The following TM9SF4 variants were observed in gnomAD, a reference collection of about 807,000 sequenced individuals.
The protein encoded by TM9SF4 is transmembrane 9 superfamily member 4, also known as dinucleotide oxidase disulfide thiol exchanger 3 superfamily member 4.
TM9SF4 carries 26 observed loss-of-function variants against 90.4 expected under a neutral mutation model. The ratio of observed to expected loss-of-function variants is 0.29; its 90% confidence interval spans 0.21 to 0.40. TM9SF4 has a LOEUF of 0.40. Ranked by LOEUF, TM9SF4 falls within the 10% of genes least tolerant of loss-of-function variation. The pLI is 1.00. For synonymous variants in TM9SF4, 293 were observed against 315.4 expected (o/e 0.93, Z 0.75); for missense variants, 549 against 834.8 (o/e 0.66, Z 4.22).
At chr20:32,143,485 G>A (rs1453749323) in intron 6 of TM9SF4, among the ~76,000 whole-genome samples, 1 of 152,152 alleles carries the variant, frequency 6.6e-6, no homozygotes, top group Non-Finnish European at 1.5e-5. Flanking sequence ...AAGGGGCCAG[G>A]GTACAGACAA....
At chr20:32,150,295 G>T (rs1001969223) in intron 10 of TM9SF4, among the ~76,000 whole-genome samples, 2 of 152,150 alleles carry the variant, frequency 1.3e-5, no homozygotes, top group African/African-American at 2.4e-5. Flanking sequence ...AGTTGGTAAG[G>T]TGGATTCAGA....
intron 6 of TM9SF4, 32 bp from the exon 7 acceptor site, chr20:32,145,059 A>G: frequency 3.1e-6 from 5 of 1,609,046 alleles, no homozygotes; most frequent in Non-Finnish European, 4.3e-6. Flanking sequence ...ACTGGCCACC[A>G]CAGGAACAGA....
intron 1 of TM9SF4, chr20:32,110,089 A>C (rs1600763139): frequency 1.0e-5 from 12 of 1,170,638 alleles, no homozygotes; most frequent in Non-Finnish European, 1.1e-5. Context: ...CCCTCTGAAG[A>C]CCCCCTCCCG....
At chr20:32,142,574 TC>T (rs1423662608) in intron 5 of TM9SF4, among the ~76,000 whole-genome samples, 1 of 152,078 alleles carries the variant, frequency 6.6e-6, no homozygotes, top group Non-Finnish European at 1.5e-5. Flanking sequence ...CAGAGGGAGC[TC>T]CTTTTACACT....
At chr20:32,131,058 T>A (rs554745558) in intron 1 of TM9SF4, among the ~76,000 whole-genome samples, 1 of 152,330 alleles carries the variant, frequency 6.6e-6, no homozygotes, top group Non-Finnish European at 1.5e-5. Context: ...CTTCCTATCC[T>A]TCCTATCCAA....
rs6061176 is a variant in TM9SF4, at chr20:32,133,756, A to G, written c.129+630A>G. On this transcript the variant is annotated intron_variant, in intron 2 of 17. Transcript: ENST00000398022. ...GGGGAAACCGAGGCCTGGGAAGGAAAATTAACATGTTCAAGGTCACATAGT... is the reference window on the plus strand; with the variant it reads ...GGGGAAACCGAGGCCTGGGAAGGAAGATTAACATGTTCAAGGTCACATAGT... 2.3e-3 allele frequency among the ~76,000 whole-genome samples: 356 copies of G among 152,204 alleles called. 2 individuals are homozygous for G. Among genetic ancestry groups the G allele is most frequent in the African/African-American group, 8.0e-3 (332 of 41,528 alleles).
Position 32,166,495 on chromosome 20 carries a change from C to G in TM9SF4, c.*1051C>G, listed in dbSNP as rs2047100409. 6.6e-6 allele frequency: 1 copy of G among 152,372 alleles called. No homozygotes were observed. The highest frequency in any genetic ancestry group is 2.4e-5 in the African/African-American group (1 of 41,464). 9.4% of individuals were successfully genotyped at this position (152,372 alleles called of 1,614,324 possible). ...ATTCTCTCCCTGCCCTCTCTGGCCT[C>G]TGGGGTCATACTCACTTCTTTAGCC... is the stretch of plus-strand genomic sequence containing the variant. On this transcript the variant is annotated 3_prime_UTR_variant, in exon 18 of 18. Transcript: ENST00000398022.
chr20:32,165,148 T>A, intron 17 of TM9SF4, 147 bp from the exon 18 acceptor site: 1 of 991,000 alleles, frequency 1.0e-6, no homozygotes, highest in East Asian at 2.4e-5. Context: ...CCATGAACCC[T>A]GCCTGCCGCT....
chr20:32,112,427 G>A (rs1318556653), intron 1 of TM9SF4, among the ~76,000 whole-genome samples: 1 of 152,032 alleles, frequency 6.6e-6, no homozygotes, highest in African/African-American at 2.4e-5. Context: ...CGGGAGCAGT[G>A]GCTCATGCCT....
At chr20:32,130,967 T>C (rs1383922275) in intron 1 of TM9SF4, among the ~76,000 whole-genome samples, 1 of 152,184 alleles carries the variant, frequency 6.6e-6, no homozygotes, top group African/African-American at 2.4e-5. Context: ...GTAGTGTCTG[T>C]GTAACTCTTC....
Position 32,117,488 on chromosome 20 carries a change from T to G in TM9SF4, c.15+7733T>G, listed in dbSNP as rs375165196. ...AATAATTTTTCGTTCTCAGGGAAAC[T>G]TCCTGTTTTCTTTGGAAGATGTTAA... On this transcript the variant is annotated intron_variant, in intron 1 of 17. Coordinates refer to ENST00000398022, the MANE Select transcript of TM9SF4 (RefSeq NM_014742.4). Among the ~76,000 whole-genome samples the G allele has an allele frequency of 5.3e-5, 8 of 152,306 alleles. No individual in the cohort carries two copies. The East Asian group carries it at 9.6e-4, about 18-fold the overall frequency.
intron 1 of TM9SF4, chr20:32,116,299 G>A (rs538483623): frequency 1.1e-4 from 17 of 152,340 alleles, no homozygotes; most frequent in Admixed American, 2.6e-4. Flanking sequence ...TGCTAGCACA[G>A]AGAGGGCACT....
intron 6 of TM9SF4, among the ~76,000 whole-genome samples, chr20:32,144,598 T>TC (rs2046733041): frequency 6.6e-6 from 1 of 152,082 alleles, no homozygotes; most frequent in South Asian, 2.1e-4. Context: ...AAGTCAGGGC[T>TC]CTGAGGAATA....
intron 13 of TM9SF4, 55 bp downstream of exon 13, chr20:32,155,241 A>G: frequency 7.1e-7 from 1 of 1,401,752 alleles, no homozygotes; most frequent in African/African-American, 1.4e-5. Flanking sequence ...GACCAGTTGC[A>G]CTCAGCCCTA....
intron 1 of TM9SF4, among the ~76,000 whole-genome samples, chr20:32,119,692 A>G (rs1215045614): frequency 6.6e-6 from 1 of 151,998 alleles, no homozygotes; most frequent in African/African-American, 2.4e-5. Flanking sequence ...TTAATTTATT[A>G]TAATTTTTTT....
chr20:32,145,216 A>G lies in TM9SF4; in HGVS notation c.771+7A>G, dbSNP rs370898272. On this transcript the variant is annotated splice_region_variant and intron_variant, in intron 7 of 17. Coordinates refer to ENST00000398022, the MANE Select transcript of TM9SF4 (RefSeq NM_014742.4). ...CTACTCTGTCCACTGGGAGGTGAGA[A>G]GGGGCTGGAGCTCATGGGCAGGGGA... is the stretch of plus-strand genomic sequence containing the variant. 40 of 1,614,072 alleles carry G rather than the reference A, an allele frequency of 2.5e-5. No homozygotes were observed. Among genetic ancestry groups the G allele is most frequent in the Non-Finnish European group, 3.2e-5 (38 of 1,179,890 alleles).
intron 1 of TM9SF4, chr20:32,116,541 C>T (rs540114051): frequency 2.0e-5 from 3 of 152,246 alleles, no homozygotes; most frequent in Non-Finnish European, 2.9e-5. Flanking sequence ...TTCCCTACCC[C>T]CAAATTACAG....
chr20:32,132,884 G>T, intron 1 of TM9SF4, 129 bp from the exon 2 acceptor site: 1 of 721,032 alleles, frequency 1.4e-6, no homozygotes, highest in Non-Finnish European at 2.3e-6. Context: ...AGGTCTTCAG[G>T]CTTCATGGGT....
chr20:32,165,748 G>T lies in TM9SF4; in HGVS notation c.*304G>T. ...GTTTATTCAGGTGTATTTCTGGTTTGGATTTTTTTTTCCTTCTTTGTTTTA... is the reference window on the plus strand; with the variant it reads ...GTTTATTCAGGTGTATTTCTGGTTTTGATTTTTTTTTCCTTCTTTGTTTTA... On this transcript the variant is annotated 3_prime_UTR_variant, in exon 18 of 18. Coordinates refer to ENST00000398022, the MANE Select transcript of TM9SF4 (RefSeq NM_014742.4). The T allele has an allele frequency of 6.3e-6, 2 of 318,138 alleles. No homozygotes were observed. The highest frequency in any genetic ancestry group is 1.2e-5 in the Non-Finnish European group (2 of 168,710). 19.7% of individuals were successfully genotyped at this position (318,138 alleles called of 1,614,324 possible). A position where few individuals can be genotyped will look rare whatever the true frequency, so the allele number is the denominator to read the frequency against.
Sources: gnomAD v4.1 joint callset for allele counts (sites outside exome capture counted in the v4.1 genomes callset) on GRCh38, gnomAD v4.1.1 for gene constraint, MANE v1.5 for transcripts, NCBI Gene and HGNC (gene_info 2026-07-23, HGNC 2026-07-21) for gene names.